LSM14A: variants seen among roughly 807,000 people sequenced by gnomAD.
LSM14A encodes the protein LSM14A mRNA processing body assembly factor.
Under a neutral mutation model 52.4 loss-of-function variants are expected in LSM14A, and 14 were observed. The observed-to-expected ratio is 0.27, with a 90% CI of 0.18 to 0.42. The LOEUF is 0.42. Among genes scored for constraint, LSM14A ranks in the 10% least tolerant of loss-of-function variants. The pLI is 1.00. For missense variants in LSM14A, 417 were observed against 581.8 expected (o/e 0.72, Z 2.91); for synonymous variants, 185 against 200.3 (o/e 0.92, Z 0.64).
chr19:34,188,480 A>G (rs986378899), intron 1 of LSM14A, among the ~76,000 whole-genome samples: 2 of 152,142 alleles, frequency 1.3e-5, no homozygotes, highest in Non-Finnish European at 2.9e-5. Context: ...ATTACATGCA[A>G]TTAACCATTA....
intron 4 of LSM14A, among the ~76,000 whole-genome samples, chr19:34,211,576 C>T (rs1047165491): frequency 4.6e-5 from 7 of 151,856 alleles, no homozygotes; most frequent in African/African-American, 1.7e-4. Flanking sequence ...CACTTGAGCC[C>T]ACGAGTTTGA....
chr19:34,224,658 A>G (rs545418836), intron 9 of LSM14A, among the ~76,000 whole-genome samples: 1 of 152,228 alleles, frequency 6.6e-6, no homozygotes, highest in South Asian at 2.1e-4. Flanking sequence ...TTGTGTGAGG[A>G]TCCCACTTGA....
At chr19:34,214,816 A>T (rs1599712454) in intron 4 of LSM14A, among the ~76,000 whole-genome samples, 1 of 142,742 alleles carries the variant, frequency 7.0e-6, no homozygotes. Flanking sequence ...CCTGGCAGCA[A>T]TTTTTTTTTT....
intron 6 of LSM14A, among the ~76,000 whole-genome samples, chr19:34,218,998 C>T (rs2072874488): frequency 1.3e-5 from 2 of 152,142 alleles, no homozygotes; most frequent in African/African-American, 4.8e-5. Flanking sequence ...ATTTTGAGAA[C>T]CCACTGTGTG....
intron 1 of LSM14A, among the ~76,000 whole-genome samples, chr19:34,190,515 C>G (rs1314747401): frequency 6.6e-6 from 1 of 151,636 alleles, no homozygotes; most frequent in African/African-American, 2.4e-5. Context: ...AATTTTAAAG[C>G]CTTCGCTTAT....
At chr19:34,226,398 T>TTTTG in intron 9 of LSM14A, 1 of 1,383,596 alleles carries the variant, frequency 7.2e-7, no homozygotes, top group Non-Finnish European at 9.4e-7. Context: ...TTTTTTTTTT[T>TTTTG]ACCTTTCAGA....
chr19:34,201,985 C>G (rs904525449), intron 3 of LSM14A, among the ~76,000 whole-genome samples: 2 of 151,888 alleles, frequency 1.3e-5, no homozygotes, highest in African/African-American at 2.4e-5. Context: ...TCATGCCCAG[C>G]TAATTTTTGT....
intron 1 of LSM14A, among the ~76,000 whole-genome samples, chr19:34,190,719 T>C (rs1233978092): frequency 1.3e-5 from 2 of 152,144 alleles, no homozygotes; most frequent in Non-Finnish European, 2.9e-5. Context: ...CTTTGTAGTC[T>C]TTTCCAGAAC....
chr19:34,195,814 G>A (rs1219502376), intron 2 of LSM14A, among the ~76,000 whole-genome samples: 1 of 152,206 alleles, frequency 6.6e-6, no homozygotes, highest in African/African-American at 2.4e-5. Context: ...TGAGTAATCG[G>A]TTTTATGGAA....
At chr19:34,214,997 G>A (rs1404512885) in intron 4 of LSM14A, 127 bp from the exon 5 acceptor site, 2 of 601,956 alleles carry the variant, frequency 3.3e-6, no homozygotes, top group South Asian at 3.0e-5. Flanking sequence ...TCTGATAAGT[G>A]GATTAATTCA....
chr19:34,181,680 A>G (rs983154983), intron 1 of LSM14A, among the ~76,000 whole-genome samples: 1 of 152,134 alleles, frequency 6.6e-6, no homozygotes, highest in African/African-American at 2.4e-5. Context: ...TCCAGGGCTC[A>G]GTTATCTCCC....
At chr19:34,224,640 C>T (rs367571440) in intron 9 of LSM14A, among the ~76,000 whole-genome samples, 7 of 152,324 alleles carry the variant, frequency 4.6e-5, no homozygotes, top group African/African-American at 1.7e-4. Flanking sequence ...AGTCCCTGCT[C>T]TTCTTAATTG....
chr19:34,192,085 T>A (rs1444701504), intron 1 of LSM14A, among the ~76,000 whole-genome samples: 2 of 152,102 alleles, frequency 1.3e-5, no homozygotes, highest in African/African-American at 4.8e-5. Context: ...AACTAACTCA[T>A]TCTGTACCTG....
intron 6 of LSM14A, among the ~76,000 whole-genome samples, chr19:34,219,127 C>CT (rs2072883675): frequency 6.6e-6 from 1 of 152,190 alleles, no homozygotes; most frequent in South Asian, 2.1e-4. Flanking sequence ...GCTGTATACT[C>CT]TGTCAGTAAC....
intron 4 of LSM14A, among the ~76,000 whole-genome samples, chr19:34,211,681 C>T (rs2072165009): frequency 6.6e-6 from 1 of 151,780 alleles, no homozygotes; most frequent in African/African-American, 2.4e-5. Context: ...CCTAGCTACT[C>T]AAGAGGCTGA....
At position 34,215,154 on chromosome 19, in the gene LSM14A, G is replaced by T; in HGVS notation, c.569G>T (p.Arg190Ile). 5 of 1,613,406 alleles carry T rather than the reference G, an allele frequency of 3.1e-6. No individual in the cohort carries two copies. Among genetic ancestry groups the T allele is most frequent in the Non-Finnish European group, 4.2e-6 (5 of 1,179,882 alleles). Residue 190 changes from arginine to isoleucine, a missense_variant, in exon 5 of 10, where the codon AGA becomes ATA. By Grantham distance (97) the Arg-to-Ile change is moderately conservative (BLOSUM62 -3). Coordinates refer to ENST00000544216, the MANE Select transcript of LSM14A (RefSeq NM_015578.4). The stretch of plus-strand genomic sequence containing the variant: ...TCAAGCCCTCAGTTAGACCCTTTGA[G>T]AAAAAGCCCAACCATGGAACAAGCA... The part of the protein sequence containing the change: ...GRSSPQLDPL[R>I]KSPTMEQAVQ...
At chr19:34,224,087 G>A (rs1186790193) in intron 9 of LSM14A, among the ~76,000 whole-genome samples, 1 of 152,112 alleles carries the variant, frequency 6.6e-6, no homozygotes, top group Non-Finnish European at 1.5e-5. Flanking sequence ...CCAGCACTTT[G>A]GGAGGCTGAG....
chr19:34,197,431 CTTTTTTTT>C lies in LSM14A; in HGVS notation c.415+684_415+691del, dbSNP rs531343486. ...AAATTTTTCTTTTTAATTTCTTTTT[CTTTTTTTT>C]TTTTTTTTTTTTTTTCTGAGGCAGA... is the stretch of plus-strand genomic sequence containing the variant. On this transcript the variant is annotated intron_variant, in intron 3 of 9. Coordinates refer to ENST00000544216, the MANE Select transcript of LSM14A (RefSeq NM_015578.4). Among the ~76,000 whole-genome samples the C allele has an allele frequency of 8.0e-3, 505 of 63,342 alleles. 4 individuals carry two copies. The highest frequency in any genetic ancestry group is 0.011 in the Non-Finnish European group (383 of 35,486). 41.6% of individuals were successfully genotyped at this position (63,342 alleles called of 152,430 possible). A position where few individuals can be genotyped will look rare whatever the true frequency, so the allele number is the denominator to read the frequency against.
At chr19:34,195,578 A>G (rs765839126) in intron 2 of LSM14A, among the ~76,000 whole-genome samples, 27 of 152,232 alleles carry the variant, frequency 1.8e-4, no homozygotes, top group Non-Finnish European at 3.7e-4. Flanking sequence ...AAGGAATTGT[A>G]AATTTTGTTG....
Sources: gnomAD v4.1 joint callset for allele counts (sites outside exome capture counted in the v4.1 genomes callset) on GRCh38, gnomAD v4.1.1 for gene constraint, MANE v1.5 for transcripts, NCBI Gene and HGNC (gene_info 2026-07-23, HGNC 2026-07-21) for gene names.